Variants in C1orf87 observed in about 807,000 individuals in gnomAD.
C1orf87 encodes uncharacterized protein C1orf87.
Under a neutral mutation model 60.5 loss-of-function variants are expected in C1orf87, and 58 were observed. The ratio of observed to expected loss-of-function variants is 0.96; its 90% CI spans 0.78 to 1.19. The LOEUF is 1.19. Ranked by LOEUF, C1orf87 falls within the 50% of genes most tolerant of loss-of-function variation. C1orf87 has a pLI of 0.00. For synonymous variants in C1orf87, 236 were observed against 227.4 expected, an observed-to-expected ratio of 1.04 and a Z score of -0.34; for missense variants, 673 against 638.6, an observed-to-expected ratio of 1.05 and a Z score of -0.58.
intron 3 of C1orf87, among the ~76,000 whole-genome samples, chr1:60,046,778 C>G (rs1645375146): frequency 6.6e-6 from 1 of 152,112 alleles, no homozygotes; most frequent in Non-Finnish European, 1.5e-5. Context: ...CACTCTGCCC[C>G]TTTCATCATT....
At chr1:59,999,136 G>A (rs984240744) in intron 10 of C1orf87, among the ~76,000 whole-genome samples, 2 of 152,110 alleles carry the variant, frequency 1.3e-5, no homozygotes, top group African/African-American at 2.4e-5. Flanking sequence ...AGAATTGTAA[G>A]TGCAATAAGA....
intron 4 of C1orf87, among the ~76,000 whole-genome samples, 184 bp downstream of exon 4, chr1:60,040,807 G>T (rs1173708236): frequency 6.9e-6 from 1 of 145,192 alleles, no homozygotes; most frequent in East Asian, 2.0e-4. Flanking sequence ...TGTCCAGGCT[G>T]GTCTCAAACT....
chr1:60,001,184 A>G, intron 9 of C1orf87, 28 bp from the exon 10 acceptor site: 1 of 1,506,116 alleles, frequency 6.6e-7, no homozygotes, highest in Non-Finnish European at 8.9e-7. Context: ...AAAAAAAAGG[A>G]AGGGTTTAGC....
At chr1:60,063,535 C>T (rs1220538173) in intron 2 of C1orf87, among the ~76,000 whole-genome samples, 1 of 152,146 alleles carries the variant, frequency 6.6e-6, no homozygotes, top group African/African-American at 2.4e-5. Flanking sequence ...TACTATGGCC[C>T]TACTGGCTTC....
At chr1:59,990,909 G>T in intron 11 of C1orf87, 76 bp from the exon 12 acceptor site, 2 of 1,418,440 alleles carry the variant, frequency 1.4e-6, no homozygotes, top group Non-Finnish European at 1.9e-6. Flanking sequence ...ATATTAGCTT[G>T]AATGACTTCC....
intron 8 of C1orf87, 101 bp downstream of exon 8, chr1:60,025,300 A>C: frequency 1.1e-6 from 1 of 899,426 alleles, no homozygotes; most frequent in Non-Finnish European, 1.7e-6. Context: ...CTCCCAAACC[A>C]GTCTCCAAAA....
At chr1:60,050,535 A>G (rs892650202) in intron 3 of C1orf87, among the ~76,000 whole-genome samples, 1 of 149,874 alleles carries the variant, frequency 6.7e-6, no homozygotes, top group Non-Finnish European at 1.5e-5. Flanking sequence ...GATTGTTGGT[A>G]GTTTTTTCAT....
chr1:60,003,921 T>C (rs778012864), intron 9 of C1orf87, among the ~76,000 whole-genome samples: 7 of 152,022 alleles, frequency 4.6e-5, no homozygotes, highest in East Asian at 1.9e-4. Flanking sequence ...CAAACCTTAA[T>C]AGTGGCTAAA....
chr1:60,064,588 A>T (rs1645522947), intron 2 of C1orf87, among the ~76,000 whole-genome samples: 1 of 115,800 alleles, frequency 8.6e-6, no homozygotes, highest in South Asian at 2.4e-4. Flanking sequence ...TATATCATAT[A>T]TAATATATAT....
intron 7 of C1orf87, 109 bp from the exon 8 acceptor site, chr1:60,025,607 T>C: frequency 1.2e-6 from 1 of 858,188 alleles, no homozygotes. Context: ...AGCTATATTA[T>C]TTTGACAAAG....
intron 7 of C1orf87, among the ~76,000 whole-genome samples, chr1:60,025,966 C>T (rs2100276556): frequency 6.6e-6 from 1 of 152,248 alleles, no homozygotes; most frequent in South Asian, 2.1e-4. Flanking sequence ...GGATTATTTC[C>T]TTAATGTCAC....
chr1:60,068,179 T>G (rs1645561600), intron 2 of C1orf87, among the ~76,000 whole-genome samples: 1 of 152,150 alleles, frequency 6.6e-6, no homozygotes, highest in Non-Finnish European at 1.5e-5. Context: ...GAGTTCTGTG[T>G]AGAGTGAGCC....
At chr1:60,009,282 C>CT (rs1645066395) in intron 9 of C1orf87, among the ~76,000 whole-genome samples, 1 of 151,984 alleles carries the variant, frequency 6.6e-6, no homozygotes, top group Non-Finnish European at 1.5e-5. Flanking sequence ...TGGAGTTACA[C>CT]AATAACAAGC....
intron 7 of C1orf87, among the ~76,000 whole-genome samples, chr1:60,028,069 A>G (rs1455286880): frequency 1.3e-5 from 2 of 152,210 alleles, no homozygotes; most frequent in Admixed American, 1.3e-4. Context: ...GAAAGAGGCC[A>G]TGAATGCATG....
At chr1:60,036,540 C>T (rs1008833469) in intron 6 of C1orf87, among the ~76,000 whole-genome samples, 1 of 152,114 alleles carries the variant, frequency 6.6e-6, no homozygotes, top group African/African-American at 2.4e-5. Flanking sequence ...TGGAACTTTG[C>T]ATTTATTAAC....
intron 4 of C1orf87, 96 bp downstream of exon 4, chr1:60,040,895 C>A: frequency 7.2e-7 from 1 of 1,385,874 alleles, no homozygotes; most frequent in South Asian, 1.6e-5. Context: ...GACCAGCCCT[C>A]AGACCAACTT....
At chr1:60,037,919 G>T (rs1645289218) in intron 6 of C1orf87, 73 bp downstream of exon 6, 1 of 913,316 alleles carries the variant, frequency 1.1e-6, no homozygotes. Context: ...CCAGTTTATG[G>T]TACTTTTTTA....
chr1:60,040,714 C>T (rs144326817), intron 4 of C1orf87, among the ~76,000 whole-genome samples: 402 of 151,320 alleles, frequency 2.7e-3, no homozygotes, highest in Admixed American at 6.3e-3. Flanking sequence ...ACTGGATAAA[C>T]GAAGTCTGGT....
At chr1:60,000,423 T>C (rs1425288368) in intron 10 of C1orf87, among the ~76,000 whole-genome samples, 1 of 152,110 alleles carries the variant, frequency 6.6e-6, no homozygotes, top group African/African-American at 2.4e-5. Context: ...CCAAAATGGG[T>C]ACTATTTTCT....
Sources: allele counts gnomAD v4.1 joint callset (sites outside exome capture counted in the v4.1 genomes callset), GRCh38; gene constraint gnomAD v4.1.1; transcripts MANE v1.5; gene names NCBI Gene and HGNC (gene_info 2026-07-23, HGNC 2026-07-21).